WASF3: variants seen among roughly 807,000 people sequenced by gnomAD.
WASF3 encodes the protein actin-binding protein WASF3.
WASF3 carries 11 observed loss-of-function variants against 46.6 expected under a neutral mutation model. That is an observed-to-expected ratio of 0.24 (90% confidence interval 0.15 to 0.39). The LOEUF (loss-of-function observed/expected upper bound fraction) is 0.39, where lower values mean the gene tolerates loss of function less well. Ranked by LOEUF, WASF3 falls within the 10% of genes least tolerant of loss-of-function variation. WASF3 has a pLI of 1.00. For missense variants in WASF3, 576 were observed against 669.8 expected, an observed-to-expected ratio of 0.86 and a Z score of 1.55; for synonymous variants, 242 against 259.7, an observed-to-expected ratio of 0.93 and a Z score of 0.65.
intron 3 of WASF3, among the ~76,000 whole-genome samples, chr13:26,663,303 G>C (rs1441234906): frequency 6.6e-6 from 1 of 152,094 alleles, no homozygotes; most frequent in South Asian, 2.1e-4. Context: ...TAGCTAGTTA[G>C]ATAACAAGTC....
In WASF3 at chr13:26,688,275, A is replaced by C. The variant is rs9581713; in HGVS notation, c.*2430A>C. On this transcript the variant is annotated 3_prime_UTR_variant, in exon 10 of 10. Transcript: ENST00000335327. Reference sequence around the variant, plus strand: ...ATTTTCAGTTTCATTTTCAAAAACTATTTACCAAAACAAATGGAGAAGAAA... The same window carrying C: ...ATTTTCAGTTTCATTTTCAAAAACTCTTTACCAAAACAAATGGAGAAGAAA... 2 of 152,232 alleles carry C rather than the reference A, an allele frequency of 1.3e-5. No homozygotes were observed. The highest frequency in any genetic ancestry group is 1.3e-4 in the Admixed American group (2 of 15,292). 9.4% of individuals were successfully genotyped at this position (152,232 alleles called of 1,614,324 possible). A position where few individuals can be genotyped will look rare whatever the true frequency, so the allele number is the denominator to read the frequency against.
At chr13:26,605,777 A>G (rs1880776803) in intron 1 of WASF3, among the ~76,000 whole-genome samples, 1 of 152,286 alleles carries the variant, frequency 6.6e-6, no homozygotes, top group South Asian at 2.1e-4. Context: ...TATATTTACT[A>G]CGGATTTCTA....
At chr13:26,598,736 G>T (rs751296507) in intron 1 of WASF3, among the ~76,000 whole-genome samples, 21 of 152,228 alleles carry the variant, frequency 1.4e-4, no homozygotes, top group Non-Finnish European at 2.9e-4. Context: ...CCAGCTTCCT[G>T]AGTGGTGGGA....
intron 3 of WASF3, among the ~76,000 whole-genome samples, chr13:26,651,098 G>T (rs1262273945): frequency 1.3e-5 from 2 of 152,174 alleles, no homozygotes. Context: ...AAGGCAGGTG[G>T]ATTACTTGAG....
rs543886340 is a variant in WASF3, at chr13:26,672,208, A to G, written c.540+219A>G. ...CTCCAGCACTTGCTTTGCTTTAACA[A>G]AAGTAGTTCCTAAACTTTGTTTTGT... On this transcript the variant is annotated intron_variant, in intron 6 of 9. Transcript: ENST00000335327. Among the ~76,000 whole-genome samples the G allele has an allele frequency of 6.6e-5, 10 of 152,328 alleles. No homozygotes were observed. In the South Asian group the frequency reaches 1.7e-3, roughly 25 times the overall value.
At chr13:26,651,108 G>A (rs979076703) in intron 3 of WASF3, among the ~76,000 whole-genome samples, 1 of 152,160 alleles carries the variant, frequency 6.6e-6, no homozygotes. Context: ...GATTACTTGA[G>A]GCCAGGAGTT....
chr13:26,543,991 G>C, the WASF3 span, among the ~76,000 whole-genome samples: 2 of 152,160 alleles, frequency 1.3e-5, no homozygotes, highest in Non-Finnish European at 2.9e-5. Flanking sequence ...TCTAGATCTG[G>C]GGGTGGATGG....
intron 3 of WASF3, among the ~76,000 whole-genome samples, chr13:26,644,055 A>G (rs1162520762): frequency 1.3e-5 from 2 of 152,196 alleles, no homozygotes; most frequent in Admixed American, 1.3e-4. Context: ...GGTTCTTTAA[A>G]TGGGAAAGGA....
intron 1 of WASF3, among the ~76,000 whole-genome samples, chr13:26,562,654 A>G (rs922603928): frequency 1.3e-4 from 20 of 151,924 alleles, no homozygotes; most frequent in African/African-American, 4.6e-4. Flanking sequence ...GCGGTTTCAG[A>G]GTTTCCATTG....
intron 3 of WASF3, among the ~76,000 whole-genome samples, chr13:26,660,193 G>GGTTTTTT (rs1882584325): frequency 2.9e-5 from 1 of 34,734 alleles, no homozygotes; most frequent in African/African-American, 9.6e-5. Context: ...TTTTTTGTTT[G>GGTTTTTT]GTTTTTTTTT....
chr13:26,573,850 C>T (rs1426625092), intron 1 of WASF3, among the ~76,000 whole-genome samples: 2 of 152,140 alleles, frequency 1.3e-5, no homozygotes. Context: ...CCAAAGGTAA[C>T]CACTAAGTTG....
In WASF3 at chr13:26,599,843, T is replaced by C. The variant is rs551109218; in HGVS notation, c.-108-13118T>C. The stretch of plus-strand genomic sequence containing the variant: ...ATTGTCTCTGTGTAATGTTATAGAA[T>C]GGAGGTTACAGTCATCCCATGGGAT... On this transcript the variant is annotated intron_variant, in intron 1 of 9. Transcript: ENST00000335327. 2.6e-5 allele frequency among the ~76,000 whole-genome samples: 4 copies of C among 152,310 alleles called. No homozygotes were observed. In the South Asian group the frequency reaches 8.3e-4, roughly 32 times the overall value.
chr13:26,674,312 C>G (rs1883001879), intron 6 of WASF3, among the ~76,000 whole-genome samples: 1 of 152,098 alleles, frequency 6.6e-6, no homozygotes, highest in Non-Finnish European at 1.5e-5. Flanking sequence ...TGATCTTAGC[C>G]AAAAGGCCGA....
chr13:26,633,304 G>A (rs1201139745), intron 2 of WASF3, among the ~76,000 whole-genome samples: 1 of 146,852 alleles, frequency 6.8e-6, no homozygotes, highest in Non-Finnish European at 1.5e-5. Context: ...CCGGGTTCAA[G>A]CAATTCTCCT....
At chr13:26,582,676 CAAAAAAA>C (rs398022033) in intron 1 of WASF3, among the ~76,000 whole-genome samples, 1 of 53,398 alleles carries the variant, frequency 1.9e-5, no homozygotes, top group Non-Finnish European at 3.1e-5. Flanking sequence ...GACTCCGTCT[CAAAAAAA>C]AAAAAAAAAA....
chr13:26,654,869 G>T (rs981944581), intron 3 of WASF3, among the ~76,000 whole-genome samples: 4 of 151,868 alleles, frequency 2.6e-5, no homozygotes, highest in African/African-American at 4.8e-5. Context: ...TTTTATAGGA[G>T]AAAAAATAGG....
chr13:26,623,970 C>G (rs1881388623), intron 2 of WASF3, among the ~76,000 whole-genome samples: 1 of 152,214 alleles, frequency 6.6e-6, no homozygotes. Flanking sequence ...TAGGTTGACT[C>G]AATCAACCTT....
At chr13:26,651,502 G>A (rs1438706305) in intron 3 of WASF3, among the ~76,000 whole-genome samples, 1 of 152,158 alleles carries the variant, frequency 6.6e-6, no homozygotes, top group Admixed American at 6.5e-5. Context: ...GTGCTAAAAG[G>A]AAGAAACTTG....
chr13:26,677,159 C>G (rs541378021), intron 7 of WASF3, among the ~76,000 whole-genome samples: 3 of 152,098 alleles, frequency 2.0e-5, no homozygotes, highest in African/African-American at 7.2e-5. Flanking sequence ...CTTTAGTAAC[C>G]CTTTGAAAAA....
Sources: allele counts gnomAD v4.1 joint callset (sites outside exome capture counted in the v4.1 genomes callset), GRCh38; gene constraint gnomAD v4.1.1; transcripts MANE v1.5; gene names NCBI Gene and HGNC (gene_info 2026-07-23, HGNC 2026-07-21).